PBXIP1: variants seen among roughly 807,000 people sequenced by gnomAD.
PBXIP1 encodes pre-B-cell leukemia transcription factor-interacting protein 1.
In PBXIP1, 73 loss-of-function variants were observed where a neutral mutation model predicts 73.7. The observed-to-expected ratio is 0.99, with a 90% CI of 0.82 to 1.20. The LOEUF (loss-of-function observed/expected upper bound fraction) is 1.20. Among genes scored for constraint, PBXIP1 ranks in the 50% most tolerant of loss-of-function variants. The probability of loss-of-function intolerance (pLI) is 0.00; values close to 1 mark genes in which losing one functional copy is unlikely to be tolerated. For synonymous variants in PBXIP1, 330 were observed against 366.9 expected (o/e 0.90, Z 1.15); for missense variants, 818 against 911.4 (o/e 0.90, Z 1.32).
intron 2 of PBXIP1, 140 bp from the exon 3 acceptor site, chr1:154,952,061 C>T (rs1655022242): frequency 1.2e-6 from 1 of 860,358 alleles, no homozygotes; most frequent in African/African-American, 1.7e-5. Context: ...TCCCCAGCCT[C>T]ACTCACTGCG....
At position 154,951,435 on chromosome 1, in the gene PBXIP1, C is replaced by T; in HGVS notation, c.243+36G>A. The T allele has an allele frequency of 6.2e-7, 1 of 1,614,048 alleles. No individual in the cohort carries two copies. Among genetic ancestry groups the T allele is most frequent in the South Asian group, 1.1e-5 (1 of 91,082 alleles). ...CAGCAGTGAGCAGCTGCTAGCCCTCCCCGCCTCCCTTCCTTCCCACAGCAA... is the reference window on the plus strand; with the variant it reads ...CAGCAGTGAGCAGCTGCTAGCCCTCTCCGCCTCCCTTCCTTCCCACAGCAA... On this transcript the variant is annotated intron_variant, in intron 4 of 10. Coordinates refer to ENST00000368463, the MANE Select transcript of PBXIP1 (RefSeq NM_020524.4). This position sits in a 1 kb window ranked among gnomAD's most constrained non-coding sequence, Gnocchi z 4.3.
chr1:154,954,943 T>C (rs2101990841), intron 1 of PBXIP1: 10 of 982,664 alleles, frequency 1.0e-5, no homozygotes, highest in Non-Finnish European at 1.2e-5. Context: ...TGGGAGAGTA[T>C]GGCAGTTCTA....
intron 5 of PBXIP1, among the ~76,000 whole-genome samples, chr1:154,948,908 G>A (rs772586842): frequency 6.6e-6 from 1 of 152,144 alleles, no homozygotes; most frequent in Non-Finnish European, 1.5e-5. Flanking sequence ...ACTGCCTGCT[G>A]GCCACTCCCT....
In PBXIP1 at chr1:154,951,728, C is replaced by T; in HGVS notation, c.178+67G>A. The T allele has an allele frequency of 3.2e-6, 5 of 1,580,706 alleles. No individual in the cohort carries two copies. The highest frequency in any genetic ancestry group is 4.3e-6 in the Non-Finnish European group (5 of 1,161,010). The stretch of plus-strand genomic sequence containing the variant: ...ACCAGCCTCCCTTTCTCTGAGGAAA[C>T]TGAGAAACCCCAAAATATGGAGAAT... On this transcript the variant is annotated intron_variant, in intron 3 of 10. Coordinates refer to ENST00000368463, the MANE Select transcript of PBXIP1 (RefSeq NM_020524.4). The surrounding 1 kb of genome is among the most constrained non-coding windows in gnomAD (Gnocchi z 4.3).
rs547475079 is a variant in PBXIP1, at chr1:154,947,789, G to C, written c.668-77C>G. ...CTCCCCACACCTTCCCATTCACACA[G>C]CCACCACTCCTGCTCAGGACCCACC... On this transcript the variant is annotated intron_variant, in intron 7 of 10. Coordinates refer to ENST00000368463, the MANE Select transcript of PBXIP1 (RefSeq NM_020524.4). 4 of 1,492,422 alleles carry C rather than the reference G, an allele frequency of 2.7e-6. No homozygotes were observed. In the African/African-American group the frequency reaches 5.5e-5, roughly 21 times the overall value. 92.4% of individuals were successfully genotyped at this position (1,492,422 alleles called of 1,614,324 possible).
Position 154,946,082 on chromosome 1 carries a change from T to C in PBXIP1, c.1592A>G (p.Lys531Arg). 6.2e-7 allele frequency: 1 copy of C among 1,614,148 alleles called. No homozygotes were observed. Among genetic ancestry groups the C allele is most frequent in the Non-Finnish European group, 8.5e-7 (1 of 1,179,982 alleles). ...CTTCGGGCCCTGTCGCTTGCCCTCC[T>C]TCTTGCTCCCCGACTCCTCCACCCT... ...RPRVEESGSK[K>R]EGKRQGPKEP... The change falls in exon 10 of 11, where the codon AAG becomes AGG. Residue 531 changes from lysine to arginine, a missense_variant. Transcript: ENST00000368463.
Position 154,945,674 on chromosome 1 carries a change from A to G in PBXIP1, c.2000T>C (p.Leu667Ser), listed in dbSNP as rs949124888. The change falls in exon 10 of 11, where the codon TTG becomes TCG. Residue 667 changes from leucine (L) to serine (S), a missense_variant. Transcript: ENST00000368463. ...RDFVDALEDSLEEVAVQQTGD... is the reference protein window; with the variant it reads ...RDFVDALEDSSEEVAVQQTGD... ...TGTCTGTTGCACAGCCACCTCCTCC[A>G]AGCTGTCCTCCAGGGCATCCACAAA... 21 of 1,614,000 alleles carry G rather than the reference A, an allele frequency of 1.3e-5. No individual in the cohort carries two copies. The highest frequency in any genetic ancestry group is 1.8e-5 in the Non-Finnish European group (21 of 1,180,028).
rs890641219 is a variant in PBXIP1, at chr1:154,946,076, C to T, written c.1598G>A (p.Gly533Asp). Residue 533 changes from glycine to aspartate, a missense_variant, in exon 10 of 11, where the codon GGC (glycine) becomes GAC (aspartate). Physicochemically the swap from Gly to Asp is moderately conservative, Grantham distance 94. Transcript: ENST00000368463. ...GGGTTCCTTCGGGCCCTGTCGCTTG[C>T]CCTCCTTCTTGCTCCCCGACTCCTC... ...RVEESGSKKEGKRQGPKEPPR... is the reference protein window; with the variant it reads ...RVEESGSKKEDKRQGPKEPPR... The T allele has an allele frequency of 6.2e-7, 1 of 1,614,032 alleles. No homozygotes were observed. The highest frequency in any genetic ancestry group is 1.3e-5 in the African/African-American group (1 of 74,934).
intron 1 of PBXIP1, among the ~76,000 whole-genome samples, chr1:154,954,447 C>G (rs1655112917): frequency 6.6e-6 from 1 of 152,196 alleles, no homozygotes; most frequent in Admixed American, 6.5e-5. Context: ...ACTGGCATAG[C>G]TTAGATCCAC....
Position 154,944,901 on chromosome 1 carries a change from C to T in PBXIP1, c.*123G>A. 1 of 754,478 alleles carries T rather than the reference C, an allele frequency of 1.3e-6. No homozygotes were observed. The highest frequency in any genetic ancestry group is 2.2e-6 in the Non-Finnish European group (1 of 446,016). The allele number at this position is 754,478 out of a possible 1,614,324, so 46.7% of individuals were successfully genotyped here. A position where few individuals can be genotyped will look rare whatever the true frequency, so the allele number is the denominator to read the frequency against. On this transcript the variant is annotated 3_prime_UTR_variant, in exon 11 of 11. Transcript: ENST00000368463. ...TCAGTGCAGGGCTGGTGATTTTGCT[C>T]TACTGTGTGAAAGATATCTGAGGAC...
At position 154,951,222 on chromosome 1, in the gene PBXIP1, A is replaced by G; in HGVS notation, c.409+10T>C. The G allele has an allele frequency of 6.2e-7, 1 of 1,611,694 alleles. No homozygotes were observed. Among genetic ancestry groups the G allele is most frequent in the South Asian group, 1.1e-5 (1 of 91,028 alleles). On this transcript the variant is annotated intron_variant, in intron 5 of 10. Transcript: ENST00000368463. The surrounding 1 kb of genome is among the most constrained non-coding windows in gnomAD (Gnocchi z 4.3). ...AGGAGAGTGACAGGAGAGGCAAGGA[A>G]GACTCTCACCTGCTTTGGGGGTTGA...
rs1279525563 is a variant in PBXIP1 at position 154,944,960 on chromosome 1, G to A, written c.*64C>T. The A allele has an allele frequency of 1.1e-5, 14 of 1,318,072 alleles. No individual in the cohort carries two copies. Among genetic ancestry groups the A allele is most frequent in the Non-Finnish European group, 1.4e-5 (13 of 914,262 alleles). 81.6% of individuals were successfully genotyped at this position (1,318,072 alleles called of 1,614,324 possible). ...AGCCAGGACAGAGTCCACCCTCCAG[G>A]AGTTAGATAACGCTGGGATCTTGGG... On this transcript the variant is annotated 3_prime_UTR_variant, in exon 11 of 11. Transcript: ENST00000368463.
At position 154,944,200 on chromosome 1, in the gene PBXIP1, C is replaced by G. The variant is rs937154745; in HGVS notation, c.*824G>C. The G allele has an allele frequency of 2.6e-5, 4 of 152,254 alleles. No homozygotes were observed. Among genetic ancestry groups the G allele is most frequent in the Non-Finnish European group, 4.4e-5 (3 of 68,032 alleles). The allele number at this position is 152,254 out of a possible 1,614,324, so 9.4% of individuals were successfully genotyped here. On this transcript the variant is annotated 3_prime_UTR_variant, in exon 11 of 11. Coordinates refer to ENST00000368463, the MANE Select transcript of PBXIP1 (RefSeq NM_020524.4). Reference sequence around the variant, plus strand: ...CAAGATCACTTGGCCTGGATTTGAGCCTGAGGCTCAGACTCCAAAACCCAC... The same window carrying G: ...CAAGATCACTTGGCCTGGATTTGAGGCTGAGGCTCAGACTCCAAAACCCAC...
In PBXIP1 at chr1:154,947,425, G is replaced by C. The variant is rs1260198867; in HGVS notation, c.862C>G (p.Gln288Glu). Residue 288 changes from glutamine (Q) to glutamate (E), a missense_variant, in exon 9 of 11, where the codon CAG (glutamine) becomes GAG (glutamate). Gln to Glu is a conservative substitution (Grantham distance 29, BLOSUM62 2). Coordinates refer to ENST00000368463, the MANE Select transcript of PBXIP1 (RefSeq NM_020524.4). ...CTCCTGCCTGTGCCCACCTGCAGCT[G>C]GGCCTGCAGCAGCCGGATGTCCTGG... ...ENQDIRLLQA[Q>E]LQAQKEELQS... is the part of the protein sequence containing the mutation. The C allele has an allele frequency of 1.9e-6, 3 of 1,614,062 alleles. No homozygotes were observed. Among genetic ancestry groups the C allele is most frequent in the East Asian group, 4.5e-5 (2 of 44,880 alleles).
At chr1:154,953,594 C>T (rs548072834) in intron 2 of PBXIP1, 77 bp downstream of exon 2, 5 of 901,746 alleles carry the variant, frequency 5.5e-6, no homozygotes, top group Non-Finnish European at 9.0e-6. Flanking sequence ...GGAAAAGGAC[C>T]CACCAAGAAA....
chr1:154,948,149 C>T lies in PBXIP1; in HGVS notation c.627G>A (p.Gly209=), dbSNP rs540821260. 1 of 1,586,736 alleles carries T rather than the reference C, an allele frequency of 6.3e-7. No individual in the cohort carries two copies. The highest frequency in any genetic ancestry group is 1.3e-5 in the African/African-American group (1 of 74,188). ...LLGALVLLGL[G]VLLFSGGLSE... is the part of the protein sequence containing the mutation. Reference sequence around the variant, plus strand: ...ACCACTCACCTGAGAAGAGGAGGACCCCCAGGCCAAGCAGAACCAGGGCCC... The same window carrying T: ...ACCACTCACCTGAGAAGAGGAGGACTCCCAGGCCAAGCAGAACCAGGGCCC... The change falls in exon 6 of 11, where the codon GGG becomes GGA. Residue 209 remains glycine (G), a synonymous_variant. Coordinates refer to ENST00000368463, the MANE Select transcript of PBXIP1 (RefSeq NM_020524.4).
rs1558037986 is a variant in PBXIP1, at chr1:154,946,700, CGCTGGAAGGCTTCGCCCT to C, written c.956_973del (p.Gln319_Gln324del). 4 of 1,611,942 alleles carry C rather than the reference CGCTGGAAGGCTTCGCCCT, an allele frequency of 2.5e-6. No individual in the cohort carries two copies. The South Asian group carries it at 4.4e-5, about 18-fold the overall frequency. ...CTGCTGCAGCTCTGACTCCAGAGCCCGCTGGAAGGCTTCGCCCTGCTGCAGAGCCCCCCGGAGCTGGGC... is the reference window on the plus strand; with the variant it reads ...CTGCTGCAGCTCTGACTCCAGAGCCCGCTGCAGAGCCCCCCGGAGCTGGGC... On this transcript the variant is annotated inframe_deletion, in exon 10 of 11. Transcript: ENST00000368463.
chr1:154,953,739 A>C lies in PBXIP1; in HGVS notation c.-18T>G, dbSNP rs1655085320. The C allele has an allele frequency of 6.2e-7, 1 of 1,611,878 alleles. No individual in the cohort carries two copies. ...GAGGCCATAGTTGCTGAGGTCCCTG[A>C]GGCTGCTGTGGCTGCCACCTGCAGA... On this transcript the variant is annotated 5_prime_UTR_variant, in exon 2 of 11. Coordinates refer to ENST00000368463, the MANE Select transcript of PBXIP1 (RefSeq NM_020524.4).
Position 154,946,727 on chromosome 1 carries a change from G to A in PBXIP1, c.947C>T (p.Ala316Val). 2 of 1,605,440 alleles carry A rather than the reference G, an allele frequency of 1.2e-6. No individual in the cohort carries two copies. The highest frequency in any genetic ancestry group is 1.7e-6 in the Non-Finnish European group (2 of 1,174,158). ...LEEENAQLRG[A>V]LQQGEAFQRA... ...CTGGAAGGCTTCGCCCTGCTGCAGAGCCCCCCGGAGCTGGGCATTCTCCTC... is the reference window on the plus strand; with the variant it reads ...CTGGAAGGCTTCGCCCTGCTGCAGAACCCCCCGGAGCTGGGCATTCTCCTC... Residue 316 changes from alanine (A) to valine (V), a missense_variant, in exon 10 of 11, where the codon GCT becomes GTT. By Grantham distance (64) the Ala-to-Val change is moderately conservative. Coordinates refer to ENST00000368463, the MANE Select transcript of PBXIP1 (RefSeq NM_020524.4).
Sources: allele counts gnomAD v4.1 joint callset (sites outside exome capture counted in the v4.1 genomes callset), GRCh38; gene constraint gnomAD v4.1.1; non-coding constraint Gnocchi (gnomAD v3.1); transcripts MANE v1.5; gene names NCBI Gene and HGNC (gene_info 2026-07-23, HGNC 2026-07-21).